TTC4: variants seen among roughly 807,000 people sequenced by gnomAD.
TTC4 encodes tetratricopeptide repeat domain 4.
Under a neutral mutation model 51.9 loss-of-function variants are expected in TTC4, and 36 were observed. That is an observed-to-expected ratio of 0.69 (90% CI 0.53 to 0.92). The LOEUF is 0.92. Ranked by LOEUF, TTC4 falls within the 40% of genes least tolerant of loss-of-function variation. The pLI, the probability that TTC4 is intolerant of heterozygous loss-of-function variation, is 0.00. For missense variants in TTC4, 399 were observed against 454.6 expected (o/e 0.88, Z 1.11); for synonymous variants, 144 against 164.2 (o/e 0.88, Z 0.94).
Position 54,716,734 on chromosome 1 carries a change from A to G in TTC4, c.229+17A>G, listed in dbSNP as rs1266480854. 1 of 1,584,296 alleles carries G rather than the reference A, an allele frequency of 6.3e-7. No homozygotes were observed. The highest frequency in any genetic ancestry group is 8.6e-7 in the Non-Finnish European group (1 of 1,160,890). On this transcript the variant is annotated intron_variant, in intron 2 of 9. Coordinates refer to ENST00000371281, the MANE Select transcript of TTC4 (RefSeq NM_004623.5). Reference sequence around the variant, plus strand: ...CTCCAGAAGGTATCTTAACATGACTAATATTTGTTTTGTGTTTCCATTGAA... The same window carrying G: ...CTCCAGAAGGTATCTTAACATGACTGATATTTGTTTTGTGTTTCCATTGAA...
intron 4 of TTC4, among the ~76,000 whole-genome samples, chr1:54,721,503 A>AT (rs534975113): frequency 4.1e-4 from 63 of 152,182 alleles, no homozygotes; most frequent in Non-Finnish European, 4.4e-4. Context: ...CCATATTCTG[A>AT]TTTTTTTTCC....
rs571533222 is a variant in TTC4 at position 54,740,293 on chromosome 1, G to A, written c.1062-1118G>A. Reference sequence around the variant, plus strand: ...GGAGGTAGATTGGATGGGAGCTGGTGTAGTGTTGAGTGATGTGATAGGGGT... The same window carrying A: ...GGAGGTAGATTGGATGGGAGCTGGTATAGTGTTGAGTGATGTGATAGGGGT... On this transcript the variant is annotated intron_variant, in intron 9 of 9. Transcript: ENST00000371281. 2.0e-5 allele frequency among the ~76,000 whole-genome samples: 3 copies of A among 152,314 alleles called. No individual in the cohort carries two copies. The South Asian group carries it at 6.2e-4, about 32-fold the overall frequency.
At chr1:54,734,633 G>A (rs1434043149) in intron 8 of TTC4, among the ~76,000 whole-genome samples, 4 of 151,942 alleles carry the variant, frequency 2.6e-5, no homozygotes, top group African/African-American at 4.8e-5. Flanking sequence ...CAAGTGATCC[G>A]CCCTCCTTGG....
intron 7 of TTC4, among the ~76,000 whole-genome samples, chr1:54,732,117 A>G (rs1645872925): frequency 6.6e-6 from 1 of 152,064 alleles, no homozygotes; most frequent in Non-Finnish European, 1.5e-5. Flanking sequence ...AGATTACTTG[A>G]GGCCAGGAGT....
chr1:54,742,027 A>C lies in TTC4; in HGVS notation c.*514A>C. The C allele has an allele frequency of 6.5e-6, 1 of 155,038 alleles. No homozygotes were observed. 9.6% of individuals were successfully genotyped at this position (155,038 alleles called of 1,614,324 possible). ...GGTTGCTGAAGATGCCTTGAGGTGA[A>C]ATGGGGGCAGGAAAGCCACATCTTG... On this transcript the variant is annotated 3_prime_UTR_variant, in exon 10 of 10. Transcript: ENST00000371281.
intron 8 of TTC4, 37 bp downstream of exon 8, chr1:54,733,747 ATTTTTTT>A (rs371403281): frequency 0.041 from 32,740 of 794,028 alleles, 377 homozygotes; most frequent in East Asian, 0.098. Flanking sequence ...TATGGAATTA[ATTTTTTT>A]TTTTTTTTTT....
chr1:54,716,573 A>G (rs1455365113), intron 1 of TTC4, 27 bp from the exon 2 acceptor site: 1 of 1,560,918 alleles, frequency 6.4e-7, no homozygotes. Context: ...AAGCTTATTC[A>G]TGTAGTTCAT....
At chr1:54,741,349 G>A (rs1646007644) in intron 9 of TTC4, 62 bp from the exon 10 acceptor site, 2 of 1,362,358 alleles carry the variant, frequency 1.5e-6, no homozygotes, top group South Asian at 2.3e-5. Context: ...TGTTAGGAAG[G>A]TGCATGGATG....
At position 54,715,987 on chromosome 1, in the gene TTC4, C is replaced by T. The variant is rs2101283909; in HGVS notation, c.79C>T (p.Arg27Cys). 1.3e-6 allele frequency: 2 copies of T among 1,599,646 alleles called. No homozygotes were observed. Among genetic ancestry groups the T allele is most frequent in the Non-Finnish European group, 8.5e-7 (1 of 1,173,288 alleles). The change falls in exon 1 of 10, where the codon CGT becomes TGT. Residue 27 changes from arginine to cysteine, a missense_variant. By Grantham distance (180) the Arg-to-Cys change is radical. This residue lies in a region of TTC4 where 316 missense variants were observed against 349.6 expected (regional missense o/e 0.90). Coordinates refer to ENST00000371281, the MANE Select transcript of TTC4 (RefSeq NM_004623.5). ...FLEKFQSQPY[R>C]GGFHEDQWEK... ...GGAAAAGTTCCAGAGCCAGCCTTACCGTGGCGGCTTTCATGAGGACCAGTG... is the reference window on the plus strand; with the variant it reads ...GGAAAAGTTCCAGAGCCAGCCTTACTGTGGCGGCTTTCATGAGGACCAGTG...
chr1:54,741,482 T>C lies in TTC4; in HGVS notation c.1133T>C (p.Leu378Pro). Residue 378 changes from leucine (L) to proline (P), a missense_variant, in exon 10 of 10, where the codon CTC (leucine) becomes CCC (proline). This residue lies in a region of TTC4 where 64 missense variants were observed against 61.3 expected (regional missense o/e 1.04). Transcript: ENST00000371281. The part of the protein sequence containing the change: ...VGSSPFCKNF[L>P]RGRKVYQIR ...TCCTCTCCTTTTTGCAAGAATTTTC[T>C]CCGGGGGAGAAAGGTGTACCAGATA... 1 of 1,614,166 alleles carries C rather than the reference T, an allele frequency of 6.2e-7. No homozygotes were observed. The highest frequency in any genetic ancestry group is 8.5e-7 in the Non-Finnish European group (1 of 1,180,028).
chr1:54,739,037 A>T (rs999856549), intron 9 of TTC4, among the ~76,000 whole-genome samples: 8 of 144,538 alleles, frequency 5.5e-5, no homozygotes, highest in African/African-American at 1.8e-4. Flanking sequence ...CTTATTTTGA[A>T]TTTTTTTTTT....
intron 9 of TTC4, among the ~76,000 whole-genome samples, chr1:54,738,930 T>C (rs946294480): frequency 6.6e-6 from 1 of 152,066 alleles, no homozygotes; most frequent in African/African-American, 2.4e-5. Context: ...TCCAAAGTGC[T>C]GGGATTACAG....
chr1:54,733,778 C>T (rs995222700), intron 8 of TTC4, 68 bp downstream of exon 8: 36 of 844,436 alleles, frequency 4.3e-5, no homozygotes, highest in African/African-American at 1.4e-4. Context: ...TTTTTTGCGG[C>T]GGGGGAAGCA....
At chr1:54,732,207 G>A (rs949875220) in intron 7 of TTC4, among the ~76,000 whole-genome samples, 1 of 150,840 alleles carries the variant, frequency 6.6e-6, no homozygotes, top group African/African-American at 2.4e-5. Flanking sequence ...TGTAATATCA[G>A]CTACTCAGGA....
rs72907996 is a variant in TTC4 at position 54,718,414 on chromosome 1, T to G, written c.391+761T>G. ...TCATTTATTTATTCATATTTTTTAC[T>G]TTATTACATTTTTTTGTAGAGACAG... On this transcript the variant is annotated intron_variant, in intron 3 of 9. Coordinates refer to ENST00000371281, the MANE Select transcript of TTC4 (RefSeq NM_004623.5). 3.9e-3 allele frequency among the ~76,000 whole-genome samples: 597 copies of G among 152,256 alleles called. 3 individuals carry two copies. The highest frequency in any genetic ancestry group is 0.014 in the African/African-American group (571 of 41,528).
intron 7 of TTC4, 56 bp downstream of exon 7, chr1:54,731,756 T>A: frequency 6.4e-7 from 1 of 1,550,462 alleles, no homozygotes. Flanking sequence ...TCTGTTTTTG[T>A]GGCAGGAGGG....
At chr1:54,716,776 G>A in intron 2 of TTC4, 59 bp downstream of exon 2, 1 of 1,357,230 alleles carries the variant, frequency 7.4e-7, no homozygotes, top group Non-Finnish European at 1.0e-6. Context: ...TTAAGTGTGG[G>A]TTAGAAGCGT....
rs904985988 is a variant in TTC4 at position 54,742,497 on chromosome 1, C to G, written c.*984C>G. ...GAGAACACATTTCCCACAGAGGAGCCGTTCCATGGAGCCGAGCTACAGCAG... is the reference window on the plus strand; with the variant it reads ...GAGAACACATTTCCCACAGAGGAGCGGTTCCATGGAGCCGAGCTACAGCAG... On this transcript the variant is annotated 3_prime_UTR_variant, in exon 10 of 10. Coordinates refer to ENST00000371281, the MANE Select transcript of TTC4 (RefSeq NM_004623.5). 3 of 152,268 alleles carry G rather than the reference C, an allele frequency of 2.0e-5. No homozygotes were observed. The highest frequency in any genetic ancestry group is 4.4e-5 in the Non-Finnish European group (3 of 68,078). The allele number at this position is 152,268 out of a possible 1,614,324, so 9.4% of individuals were successfully genotyped here.
At chr1:54,731,214 T>C (rs1228836026) in intron 6 of TTC4, among the ~76,000 whole-genome samples, 1 of 150,504 alleles carries the variant, frequency 6.6e-6, no homozygotes, top group South Asian at 2.1e-4. Context: ...CCCATTGTTA[T>C]GGTGTTTTTT....
Sources: allele counts gnomAD v4.1 joint callset (sites outside exome capture counted in the v4.1 genomes callset), GRCh38; gene constraint gnomAD v4.1.1; regional missense constraint gnomAD v4.1.1; transcripts MANE v1.5; gene names NCBI Gene and HGNC (gene_info 2026-07-23, HGNC 2026-07-21).